Variants in COL4A3 observed in about 807,000 individuals in gnomAD.
COL4A3 encodes collagen type IV alpha 3 chain.
COL4A3 carries 135 observed loss-of-function variants against 217.4 expected under a neutral mutation model. The observed-to-expected ratio is 0.62, with a 90% confidence interval of 0.54 to 0.72. The LOEUF (loss-of-function observed/expected upper bound fraction) is 0.72. Ranked by LOEUF, COL4A3 falls within the 30% of genes least tolerant of loss-of-function variation. The pLI is 0.00. For synonymous variants in COL4A3, 690 were observed against 736.3 expected, an observed-to-expected ratio of 0.94 and a Z score of 1.02; for missense variants, 1,868 against 2,119.9, an observed-to-expected ratio of 0.88 and a Z score of 2.33.
At chr2:227,184,840 A>G (rs75472407) in intron 1 of COL4A3, among the ~76,000 whole-genome samples, 25,120 of 149,008 alleles carry the variant, frequency 0.17, 2,339 homozygotes, top group Admixed American at 0.25. Flanking sequence ...AATTCTCTCT[A>G]AACTTGTGTA....
At chr2:227,262,928 A>G (rs202129199) in intron 20 of COL4A3, among the ~76,000 whole-genome samples, 1 of 152,198 alleles carries the variant, frequency 6.6e-6, no homozygotes, top group East Asian at 1.9e-4. Flanking sequence ...AATTAACTGG[A>G]AGAGAGGACA....
rs750387239 is a variant in COL4A3 at position 227,273,105 on chromosome 2, C to A, written c.1915C>A (p.Pro639Thr). ...AGGAGTTCCTGGAGCCCCCGGACCA[C>A]CCGGAGAAGCCGGTTGGTTAGTTTT... ...TQGVPGAPGP[P>T]GEAGPRGELS... Residue 639 changes from proline to threonine, a missense_variant, in exon 26 of 52, where the codon CCC becomes ACC. Physicochemically the swap from Pro to Thr is conservative, Grantham distance 38. This residue lies in a region of COL4A3 where 1,503 missense variants were observed against 1,786.1 expected (regional missense o/e 0.84). Coordinates refer to ENST00000396578, the MANE Select transcript of COL4A3 (RefSeq NM_000091.5). 4 of 1,613,742 alleles carry A rather than the reference C, an allele frequency of 2.5e-6. No homozygotes were observed. The South Asian group carries it at 3.3e-5, about 13-fold the overall frequency.
intron 43 of COL4A3, among the ~76,000 whole-genome samples, chr2:227,302,673 T>G (rs2073338301): frequency 2.5e-5 from 1 of 40,278 alleles, no homozygotes; most frequent in Non-Finnish European, 4.2e-5. Flanking sequence ...CGAGACTCTT[T>G]CTCCAAAAAA....
rs748991127 is a variant in COL4A3 at position 227,294,588 on chromosome 2, T to C, written c.3418+18T>C. ...CCCTCCAGGTTTCATTTTTGTACTTTCTCTTTTTCCTTTTCATGTGGGAGA... is the reference window on the plus strand; with the variant it reads ...CCCTCCAGGTTTCATTTTTGTACTTCCTCTTTTTCCTTTTCATGTGGGAGA... On this transcript the variant is annotated intron_variant, in intron 39 of 51. Transcript: ENST00000396578. 3.2e-6 allele frequency: 5 copies of C among 1,563,872 alleles called. No homozygotes were observed. The highest frequency in any genetic ancestry group is 8.8e-7 in the Non-Finnish European group (1 of 1,134,334).
chr2:227,214,664 A>G (rs2067459416), intron 1 of COL4A3, among the ~76,000 whole-genome samples: 1 of 152,202 alleles, frequency 6.6e-6, no homozygotes, highest in African/African-American at 2.4e-5. Context: ...CATTCTTCAA[A>G]TACCTGTCCA....
intron 30 of COL4A3, 99 bp downstream of exon 30, chr2:227,280,689 C>G: frequency 7.3e-7 from 1 of 1,369,278 alleles, no homozygotes; most frequent in Non-Finnish European, 1.0e-6. Flanking sequence ...ATTCTCCCAT[C>G]CAATGTTCCT....
intron 3 of COL4A3, among the ~76,000 whole-genome samples, chr2:227,243,459 G>A (rs947286526): frequency 6.6e-6 from 1 of 152,168 alleles, no homozygotes; most frequent in African/African-American, 2.4e-5. Context: ...TCTGCTTTCG[G>A]CATCACGTGA....
intron 3 of COL4A3, among the ~76,000 whole-genome samples, chr2:227,244,077 T>C (rs763385581): frequency 2.6e-5 from 4 of 152,198 alleles, no homozygotes; most frequent in Non-Finnish European, 4.4e-5. Flanking sequence ...TTCCAGGTAA[T>C]GCTAATGCTG....
intron 46 of COL4A3, 63 bp downstream of exon 46, chr2:227,304,207 C>G (rs2073408514): frequency 1.9e-6 from 3 of 1,602,750 alleles, no homozygotes; most frequent in South Asian, 2.2e-5. Context: ...TACCTGTAAA[C>G]TGCTTTGGAA....
At chr2:227,279,259 G>T (rs112682445) in intron 28 of COL4A3, among the ~76,000 whole-genome samples, 5 of 134,580 alleles carry the variant, frequency 3.7e-5, no homozygotes, top group African/African-American at 7.9e-5. Flanking sequence ...TTTTGTTGTT[G>T]TTTTTTTTGT....
At position 227,313,003 on chromosome 2, in the gene COL4A3, A is replaced by T. The variant is rs912231300; in HGVS notation, c.*1133A>T. ...ATACTGAAAGAGTCCATTGTTTAAA[A>T]ATCTTAATGTATCAAACTGTATAAC... On this transcript the variant is annotated 3_prime_UTR_variant, in exon 52 of 52. Transcript: ENST00000396578. 2 of 152,514 alleles carry T rather than the reference A, an allele frequency of 1.3e-5. No individual in the cohort carries two copies. The highest frequency in any genetic ancestry group is 2.9e-5 in the Non-Finnish European group (2 of 68,012). 9.4% of individuals were successfully genotyped at this position (152,514 alleles called of 1,614,324 possible).
At chr2:227,195,687 G>GTT (rs1332960839) in intron 1 of COL4A3, among the ~76,000 whole-genome samples, 3 of 149,490 alleles carry the variant, frequency 2.0e-5, no homozygotes, top group Admixed American at 2.0e-4. Flanking sequence ...GTGTGTGTGT[G>GTT]TGTGTGTGTA....
rs573243146 is a variant in COL4A3, at chr2:227,182,327, A to G, written c.87+17514A>G. On this transcript the variant is annotated intron_variant, in intron 1 of 51. Transcript: ENST00000396578. ...TATGAATCTGGAATGAGGTGGGTTC[A>G]GAGACCTCCCATTCATGAACACCAT... 4.6e-5 allele frequency among the ~76,000 whole-genome samples: 7 copies of G among 152,336 alleles called. No individual in the cohort carries two copies. The South Asian group carries it at 1.4e-3, about 32-fold the overall frequency.
At chr2:227,261,491 C>T (rs1344873709) in intron 20 of COL4A3, among the ~76,000 whole-genome samples, 3 of 152,216 alleles carry the variant, frequency 2.0e-5, no homozygotes, top group African/African-American at 4.8e-5. Context: ...GGCACCACTG[C>T]ACTCCAGCCT....
At chr2:227,172,279 A>G (rs1442998697) in intron 1 of COL4A3, among the ~76,000 whole-genome samples, 1 of 152,186 alleles carries the variant, frequency 6.6e-6, no homozygotes. Context: ...CCGCCTGACC[A>G]TCATATGATA....
chr2:227,307,590 T>C, intron 47 of COL4A3, 120 bp from the exon 48 acceptor site: 1 of 858,706 alleles, frequency 1.2e-6, no homozygotes, highest in South Asian at 1.6e-5. Flanking sequence ...GCCACTCTTC[T>C]CTAGGATTGC....
chr2:227,238,948 GTAAC>G (rs1357299019), intron 2 of COL4A3, among the ~76,000 whole-genome samples: 4 of 152,204 alleles, frequency 2.6e-5, no homozygotes, highest in Non-Finnish European at 5.9e-5. Flanking sequence ...GTGTATAAAA[GTAAC>G]TGAGTAGCGA....
At chr2:227,202,742 AAAAAAT>A (rs1215926562) in intron 1 of COL4A3, among the ~76,000 whole-genome samples, 4 of 90,220 alleles carry the variant, frequency 4.4e-5, no homozygotes, top group South Asian at 3.5e-4. Flanking sequence ...CTCTAAAAAA[AAAAAAT>A]ATATATATAT....
chr2:227,232,842 AT>A (rs2068482156), intron 1 of COL4A3, among the ~76,000 whole-genome samples: 1 of 152,220 alleles, frequency 6.6e-6, no homozygotes, highest in Admixed American at 6.5e-5. Flanking sequence ...ACATTTGTTT[AT>A]GTAAAAATAA....
Sources: gnomAD v4.1 joint callset for allele counts (sites outside exome capture counted in the v4.1 genomes callset) on GRCh38, gnomAD v4.1.1 for gene constraint, gnomAD v4.1.1 regional missense constraint, MANE v1.5 for transcripts, NCBI Gene and HGNC (gene_info 2026-07-23, HGNC 2026-07-21) for gene names.